OPCML: variants seen among roughly 807,000 people sequenced by gnomAD.
The protein encoded by OPCML is opioid binding protein/cell adhesion molecule like, also known as opioid-binding protein/cell adhesion molecule.
A neutral mutation model predicts 37.8 loss-of-function variants in OPCML; 13 were observed. The ratio of observed to expected loss-of-function variants is 0.34; its 90% CI spans 0.22 to 0.55. The LOEUF (loss-of-function observed/expected upper bound fraction) is 0.55. Ranked by LOEUF, OPCML falls within the 20% of genes least tolerant of loss-of-function variation. The pLI is 0.91. For synonymous variants in OPCML, 176 were observed against 168.8 expected, an observed-to-expected ratio of 1.04 and a Z score of -0.33; for missense variants, 341 against 435.6, an observed-to-expected ratio of 0.78 and a Z score of 1.93.
At chr11:132,784,921 C>T (rs1482979790) in intron 2 of OPCML, among the ~76,000 whole-genome samples, 1 of 152,114 alleles carries the variant, frequency 6.6e-6, no homozygotes. Context: ...TCAAATAAAC[C>T]TCTTTTCTTT....
At chr11:133,150,332 A>G (rs995132629) in intron 1 of OPCML, among the ~76,000 whole-genome samples, 43 of 152,310 alleles carry the variant, frequency 2.8e-4, no homozygotes, top group African/African-American at 1.0e-3. Context: ...GGCTTCTGTC[A>G]TCGTCTTCAT....
intron 2 of OPCML, among the ~76,000 whole-genome samples, chr11:132,838,895 G>C (rs1329416035): frequency 6.6e-6 from 1 of 152,190 alleles, no homozygotes; most frequent in African/African-American, 2.4e-5. Context: ...GGAAACAGTA[G>C]AGCCGATATA....
intron 1 of OPCML, among the ~76,000 whole-genome samples, chr11:133,357,089 C>T (rs548170254): frequency 6.6e-6 from 1 of 152,342 alleles, no homozygotes. Context: ...CTCATGGCCA[C>T]TTCTCGCAGT....
In OPCML at chr11:133,174,244, A is replaced by AG. The variant is rs1950333042; in HGVS notation, c.62-231235dup. ...ATGGAGCTCCGGAGTAACTCCTAGA[A>AG]GGCGAAGCATGATTAGAACCAAGCC... On this transcript the variant is annotated intron_variant, in intron 1 of 7. Transcript: ENST00000524381. This position sits in a 1 kb window ranked among gnomAD's most constrained non-coding sequence, Gnocchi z 4.6. 6.6e-6 allele frequency among the ~76,000 whole-genome samples: 1 copy of AG among 152,176 alleles called. No individual in the cohort carries two copies. Among genetic ancestry groups the AG allele is most frequent in the Non-Finnish European group, 1.5e-5 (1 of 68,028 alleles).
intron 1 of OPCML, among the ~76,000 whole-genome samples, chr11:133,059,196 C>G (rs952270628): frequency 6.6e-6 from 1 of 152,176 alleles, no homozygotes; most frequent in Non-Finnish European, 1.5e-5. Flanking sequence ...GTATTGCCAC[C>G]TTGACATTTC....
chr11:133,467,649 T>C (rs1436829634), intron 1 of OPCML, among the ~76,000 whole-genome samples: 1 of 152,104 alleles, frequency 6.6e-6, no homozygotes, highest in African/African-American at 2.4e-5. Flanking sequence ...CATCAAGTGG[T>C]ACCATTCTCA....
At chr11:132,722,103 C>A (rs1944694122) in intron 2 of OPCML, among the ~76,000 whole-genome samples, 1 of 151,352 alleles carries the variant, frequency 6.6e-6, no homozygotes, top group South Asian at 2.1e-4. Context: ...CTACAGACAC[C>A]CACCATCATG....
chr11:132,811,607 T>G (rs1236145348), intron 2 of OPCML, among the ~76,000 whole-genome samples: 1 of 152,196 alleles, frequency 6.6e-6, no homozygotes. Context: ...TATAGCTTTG[T>G]TCCATATCGG....
chr11:132,453,092 C>T (rs971282064), intron 4 of OPCML, among the ~76,000 whole-genome samples: 1 of 152,176 alleles, frequency 6.6e-6, no homozygotes, highest in East Asian at 1.9e-4. Flanking sequence ...GTTATGACTT[C>T]CTTGACTTTA....
chr11:132,909,416 G>T (rs748754221), intron 2 of OPCML, among the ~76,000 whole-genome samples: 1 of 152,206 alleles, frequency 6.6e-6, no homozygotes, highest in African/African-American at 2.4e-5. Flanking sequence ...GAAGAGAAAC[G>T]TGTGAGGCTG....
chr11:133,501,961 G>GCCGC (rs1947925043), intron 1 of OPCML, among the ~76,000 whole-genome samples: 1 of 151,728 alleles, frequency 6.6e-6, no homozygotes, highest in African/African-American at 2.4e-5. Flanking sequence ...CTCCTCCACA[G>GCCGC]CCGCCCCTTC....
At position 133,196,545 on chromosome 11, in the gene OPCML, G is replaced by A. The variant is rs546103552; in HGVS notation, c.62-253535C>T. ...CAGAGGGGATAGGTTGGTGACCTAA[G>A]CACCAACTCTGAAATGTAAAAATAC... On this transcript the variant is annotated intron_variant, in intron 1 of 7. Transcript: ENST00000524381. Among the ~76,000 whole-genome samples the A allele has an allele frequency of 2.0e-5, 3 of 152,270 alleles. No individual in the cohort carries two copies. The South Asian group carries it at 6.2e-4, about 32-fold the overall frequency.
chr11:133,192,011 G>C (rs538924620), intron 1 of OPCML, among the ~76,000 whole-genome samples: 13 of 152,306 alleles, frequency 8.5e-5, no homozygotes, highest in African/African-American at 2.9e-4. Flanking sequence ...AGACAAGTTT[G>C]AAGATAGATT....
chr11:132,442,073 G>C (rs764703213), intron 4 of OPCML, among the ~76,000 whole-genome samples: 4 of 152,226 alleles, frequency 2.6e-5, no homozygotes, highest in Non-Finnish European at 5.9e-5. Context: ...GGATGAGCGA[G>C]GTGTTGTGTC....
intron 4 of OPCML, chr11:132,525,841 GAGA>G (rs746660237): frequency 2.0e-5 from 3 of 152,256 alleles, no homozygotes; most frequent in East Asian, 3.9e-4. Context: ...GAACGATACA[GAGA>G]AGATTAGCAT....
At chr11:132,896,852 G>A (rs141094450) in intron 2 of OPCML, among the ~76,000 whole-genome samples, 2 of 152,192 alleles carry the variant, frequency 1.3e-5, no homozygotes, top group Non-Finnish European at 2.9e-5. Flanking sequence ...ATTTCTAAGA[G>A]TCCAATGGTG....
intron 7 of OPCML, among the ~76,000 whole-genome samples, chr11:132,421,585 C>T (rs912493841): frequency 6.6e-5 from 10 of 152,206 alleles, no homozygotes; most frequent in Admixed American, 5.9e-4. Flanking sequence ...TTCCTCTCCA[C>T]TAATCTTAAC....
At chr11:133,289,326 T>C (rs1942394027) in intron 1 of OPCML, among the ~76,000 whole-genome samples, 1 of 152,170 alleles carries the variant, frequency 6.6e-6, no homozygotes, top group Non-Finnish European at 1.5e-5. Context: ...CCGGGCGCGG[T>C]GGCTCACGCC....
rs1465538195 is a variant in OPCML, at chr11:133,208,828, A to G, written c.62-265818T>C. Among the ~76,000 whole-genome samples, 1 of 152,166 alleles carries G rather than the reference A, an allele frequency of 6.6e-6. No individual in the cohort carries two copies. Among genetic ancestry groups the G allele is most frequent in the Non-Finnish European group, 1.5e-5 (1 of 68,034 alleles). On this transcript the variant is annotated intron_variant, in intron 1 of 7. Coordinates refer to ENST00000524381, the MANE Select transcript of OPCML (RefSeq NM_001012393.5). The surrounding 1 kb of genome is among the most constrained non-coding windows in gnomAD (Gnocchi z 8.9). ...GAAGATATAAGACTTCATTCCCTAT[A>G]AATCACGCTATTCCATGACTACCTA...
Sources: gnomAD v4.1 joint callset for allele counts (sites outside exome capture counted in the v4.1 genomes callset) on GRCh38, gnomAD v4.1.1 for gene constraint, Gnocchi (gnomAD v3.1) non-coding constraint, MANE v1.5 for transcripts, NCBI Gene and HGNC (gene_info 2026-07-23, HGNC 2026-07-21) for gene names.